NDFIP2: variants seen among roughly 807,000 people sequenced by gnomAD.
NDFIP2 encodes the protein NEDD4 family-interacting protein 2.
A neutral mutation model predicts 36.0 loss-of-function variants in NDFIP2; 19 were observed. That is an observed-to-expected ratio of 0.53 (90% CI 0.37 to 0.77). The LOEUF is 0.77. Among genes scored for constraint, NDFIP2 ranks in the 30% least tolerant of loss-of-function variants. The pLI is 0.00. For synonymous variants in NDFIP2, 181 were observed against 167.7 expected, an observed-to-expected ratio of 1.08 and a Z score of -0.61; for missense variants, 446 against 435.8, an observed-to-expected ratio of 1.02 and a Z score of -0.21.
rs182855129 is a variant in NDFIP2, at chr13:79,535,602, A to C, written c.621+2146A>C. Among the ~76,000 whole-genome samples, 482 of 152,314 alleles carry C rather than the reference A, an allele frequency of 3.2e-3. 3 individuals carry two copies. The highest frequency in any genetic ancestry group is 6.8e-3 in the Middle Eastern group (2 of 294). On this transcript the variant is annotated intron_variant, in intron 3 of 7. Transcript: ENST00000218652. ...GCAAAGTATTAATAGAATTGTGTAC[A>C]AGAGACTAACTTAGGTCTTGTAAAA...
In NDFIP2 at chr13:79,553,159, T is replaced by G. The variant is rs565532040; in HGVS notation, c.*646T>G. On this transcript the variant is annotated 3_prime_UTR_variant, in exon 8 of 8. Coordinates refer to ENST00000218652, the MANE Select transcript of NDFIP2 (RefSeq NM_019080.3). ...GTGTCCAGATAGCTTTCACTAATTT[T>G]AAATTAAGTGAACTAAATATATATG... 22 of 151,678 alleles carry G rather than the reference T, an allele frequency of 1.5e-4. No homozygotes were observed. The South Asian group carries it at 3.9e-3, about 27-fold the overall frequency. The allele number at this position is 151,678 out of a possible 1,614,324, so 9.4% of individuals were successfully genotyped here. A position where few individuals can be genotyped will look rare whatever the true frequency, so the allele number is the denominator to read the frequency against.
At chr13:79,485,037 G>A (rs886794871) in intron 1 of NDFIP2, among the ~76,000 whole-genome samples, 1 of 152,142 alleles carries the variant, frequency 6.6e-6, no homozygotes, top group Non-Finnish European at 1.5e-5. Flanking sequence ...TGACCTCCAG[G>A]TTAAAGACTG....
intron 1 of NDFIP2, among the ~76,000 whole-genome samples, chr13:79,490,159 G>A (rs1421368405): frequency 6.6e-6 from 1 of 152,162 alleles, no homozygotes; most frequent in African/African-American, 2.4e-5. Flanking sequence ...GTGAGGATTA[G>A]GAGGTCAGAC....
chr13:79,495,231 G>C (rs533228839), intron 1 of NDFIP2, among the ~76,000 whole-genome samples: 2 of 151,984 alleles, frequency 1.3e-5, no homozygotes, highest in South Asian at 2.1e-4. Context: ...AAAAATGTCA[G>C]ATCAGGTTCA....
rs371917287 is a variant in NDFIP2 at position 79,520,948 on chromosome 13, A to G, written c.460A>G (p.Ile154Val). 6.2e-7 allele frequency: 1 copy of G among 1,609,988 alleles called. No individual in the cohort carries two copies. The highest frequency in any genetic ancestry group is 8.5e-7 in the Non-Finnish European group (1 of 1,177,714). ...CTCTTCCCCTCCACCATATAGTAGTATTACTGTGGAAGTACCTACAACTTC... is the reference window on the plus strand; with the variant it reads ...CTCTTCCCCTCCACCATATAGTAGTGTTACTGTGGAAGTACCTACAACTTC... ...TDSSPPPYSS[I>V]TVEVPTTSDT... Residue 154 changes from isoleucine (I) to valine (V), a missense_variant, in exon 2 of 8, where the codon ATT becomes GTT. Ile to Val is a conservative substitution (Grantham distance 29, BLOSUM62 3). Coordinates refer to ENST00000218652, the MANE Select transcript of NDFIP2 (RefSeq NM_019080.3).
intron 7 of NDFIP2, among the ~76,000 whole-genome samples, chr13:79,551,907 A>G (rs909313122): frequency 2.6e-5 from 4 of 151,374 alleles, no homozygotes; most frequent in Admixed American, 6.6e-5. Context: ...TCTATTACCA[A>G]AATGTCTACT....
At chr13:79,535,336 G>A (rs191079608) in intron 3 of NDFIP2, among the ~76,000 whole-genome samples, 97 of 152,240 alleles carry the variant, frequency 6.4e-4, no homozygotes, top group African/African-American at 2.0e-3. Context: ...AAGGTAGGAA[G>A]CATTAAGTCT....
At chr13:79,510,825 C>G (rs1176385742) in intron 1 of NDFIP2, among the ~76,000 whole-genome samples, 1 of 151,768 alleles carries the variant, frequency 6.6e-6, no homozygotes, top group African/African-American at 2.4e-5. Context: ...ATAGTGAAAC[C>G]CTGTCTCTAC....
intron 1 of NDFIP2, among the ~76,000 whole-genome samples, chr13:79,516,470 A>G (rs550866813): frequency 4.6e-5 from 7 of 152,116 alleles, no homozygotes; most frequent in African/African-American, 9.6e-5. Context: ...TGATCCTCCC[A>G]TCTTGGCCTC....
intron 1 of NDFIP2, among the ~76,000 whole-genome samples, chr13:79,519,622 AGTCTCT>A (rs1356944079): frequency 9.9e-5 from 15 of 152,224 alleles, no homozygotes; most frequent in African/African-American, 3.4e-4. Context: ...TGATAATAAC[AGTCTCT>A]GTCTCCTAGG....
chr13:79,494,370 C>G (rs1873357426), intron 1 of NDFIP2, among the ~76,000 whole-genome samples: 1 of 152,062 alleles, frequency 6.6e-6, no homozygotes, highest in African/African-American at 2.4e-5. Flanking sequence ...AAAATACTAA[C>G]TCATCACTGA....
chr13:79,506,650 A>G (rs929578965), intron 1 of NDFIP2, among the ~76,000 whole-genome samples: 1 of 152,094 alleles, frequency 6.6e-6, no homozygotes, highest in Non-Finnish European at 1.5e-5. Context: ...TTTAAAAAAT[A>G]TAGGCAGTAC....
At position 79,514,004 on chromosome 13, in the gene NDFIP2, A is replaced by G. The variant is rs947886531; in HGVS notation, c.322-6806A>G. On this transcript the variant is annotated intron_variant, in intron 1 of 7. Transcript: ENST00000218652. ...ATGAGGGAATCTTGGTATTTAGTAT[A>G]TTTATGTTGCAGTTTTAACACATGA... is the stretch of plus-strand genomic sequence containing the variant. 3.8e-4 allele frequency among the ~76,000 whole-genome samples: 58 copies of G among 152,194 alleles called. 1 individual carries two copies. The highest frequency in any genetic ancestry group is 1.4e-3 in the African/African-American group (56 of 41,454).
At chr13:79,520,023 A>C (rs902291408) in intron 1 of NDFIP2, among the ~76,000 whole-genome samples, 1 of 151,800 alleles carries the variant, frequency 6.6e-6, no homozygotes, top group Admixed American at 6.6e-5. Context: ...CTGGTCTCAA[A>C]CTCCTGGCCT....
chr13:79,528,544 C>T (rs951014391), intron 2 of NDFIP2, among the ~76,000 whole-genome samples: 3 of 152,176 alleles, frequency 2.0e-5, no homozygotes, highest in Non-Finnish European at 2.9e-5. Flanking sequence ...CACGTTCACT[C>T]GTCACTCACT....
chr13:79,496,357 A>G (rs1443049022), intron 1 of NDFIP2, among the ~76,000 whole-genome samples: 1 of 151,936 alleles, frequency 6.6e-6, no homozygotes, highest in African/African-American at 2.4e-5. Context: ...TGTTAGGTCT[A>G]TAAAGACATT....
intron 1 of NDFIP2, among the ~76,000 whole-genome samples, chr13:79,487,344 A>G (rs1873043139): frequency 6.6e-6 from 1 of 152,190 alleles, no homozygotes; most frequent in Admixed American, 6.5e-5. Flanking sequence ...TTTTGTGTAT[A>G]TCAGTAGCTC....
In NDFIP2 at chr13:79,541,638, G is replaced by C. The variant is rs1186326919; in HGVS notation, c.715+1863G>C. On this transcript the variant is annotated intron_variant, in intron 4 of 7. Coordinates refer to ENST00000218652, the MANE Select transcript of NDFIP2 (RefSeq NM_019080.3). ...TGTTTGTCATCACTACCATCTAGTG[G>C]CTGTTTTTCAAATTGCAACTTGCTA... is the stretch of plus-strand genomic sequence containing the variant. Among the ~76,000 whole-genome samples, 7 of 151,864 alleles carry C rather than the reference G, an allele frequency of 4.6e-5. No individual in the cohort carries two copies. The East Asian group carries it at 1.4e-3, about 29-fold the overall frequency.
intron 5 of NDFIP2, among the ~76,000 whole-genome samples, chr13:79,544,798 G>A (rs1191831179): frequency 4.6e-5 from 7 of 152,034 alleles, no homozygotes; most frequent in African/African-American, 1.2e-4. Flanking sequence ...TGGATGTAAT[G>A]CATTTCTTCA....
Sources: allele counts gnomAD v4.1 joint callset (sites outside exome capture counted in the v4.1 genomes callset), GRCh38; gene constraint gnomAD v4.1.1; transcripts MANE v1.5; gene names NCBI Gene and HGNC (gene_info 2026-07-23, HGNC 2026-07-21).